NT5C2: variants seen among roughly 807,000 people sequenced by gnomAD.
NT5C2 encodes cytosolic purine 5'-nucleotidase.
Under a neutral mutation model 76.1 loss-of-function variants are expected in NT5C2, and 58 were observed. That is an observed-to-expected ratio of 0.76 (90% CI 0.62 to 0.95). The LOEUF (loss-of-function observed/expected upper bound fraction) is 0.95. Ranked by LOEUF, NT5C2 falls within the 40% of genes least tolerant of loss-of-function variation. NT5C2 has a pLI of 0.00. For missense variants in NT5C2, 478 were observed against 690.3 expected (o/e 0.69, Z 3.45); for synonymous variants, 229 against 237.4 (o/e 0.96, Z 0.32).
intron 3 of NT5C2, among the ~76,000 whole-genome samples, chr10:103,169,917 G>A (rs2087450413): frequency 6.6e-6 from 1 of 152,050 alleles, no homozygotes. Context: ...ACAAGGTCAG[G>A]AGTTCAAGAC....
At chr10:103,185,701 T>A (rs983072907) in intron 1 of NT5C2, among the ~76,000 whole-genome samples, 4 of 151,808 alleles carry the variant, frequency 2.6e-5, no homozygotes, top group African/African-American at 4.8e-5. Flanking sequence ...ACTGCTTTAT[T>A]TCAGGAAAGA....
chr10:103,110,271 T>C (rs1327947333), intron 4 of NT5C2, among the ~76,000 whole-genome samples: 7 of 152,042 alleles, frequency 4.6e-5, no homozygotes, highest in Non-Finnish European at 8.8e-5. Context: ...CCCTGGCCAA[T>C]ATGGCGAAAC....
At chr10:103,119,219 A>G (rs547609057) in intron 4 of NT5C2, among the ~76,000 whole-genome samples, 2 of 152,272 alleles carry the variant, frequency 1.3e-5, no homozygotes, top group South Asian at 2.1e-4. Flanking sequence ...AAAATACAAA[A>G]TTAGCCAGGC....
chr10:103,172,299 T>A (rs1341064471), intron 3 of NT5C2, among the ~76,000 whole-genome samples: 1 of 147,334 alleles, frequency 6.8e-6, no homozygotes, highest in South Asian at 2.1e-4. Flanking sequence ...CAGGCTGGAG[T>A]GTGCAGTGGT....
chr10:103,174,715 G>A (rs762810171), intron 3 of NT5C2, 143 bp downstream of exon 3: 12 of 613,718 alleles, frequency 2.0e-5, no homozygotes, highest in East Asian at 2.6e-5. Context: ...TAAAAGTCTC[G>A]ACTTAGAACT....
At chr10:103,181,367 A>C (rs2091049952) in intron 1 of NT5C2, 39 bp from the exon 2 acceptor site, 1 of 152,004 alleles carries the variant, frequency 6.6e-6, no homozygotes. Context: ...TCACAGGCAA[A>C]ACATGCACAG....
intron 4 of NT5C2, among the ~76,000 whole-genome samples, chr10:103,113,266 GT>G (rs2073499699): frequency 6.6e-6 from 1 of 151,720 alleles, no homozygotes; most frequent in Admixed American, 6.6e-5. Flanking sequence ...GTAATTAAGA[GT>G]TATTTGTTTA....
At chr10:103,154,801 T>C (rs1316091540) in intron 3 of NT5C2, among the ~76,000 whole-genome samples, 1 of 152,198 alleles carries the variant, frequency 6.6e-6, no homozygotes, top group Non-Finnish European at 1.5e-5. Context: ...TTCCATTGAC[T>C]ATCCTCAAAG....
At chr10:103,191,957 C>CTT (rs528278756) in intron 1 of NT5C2, among the ~76,000 whole-genome samples, 2 of 143,766 alleles carry the variant, frequency 1.4e-5, no homozygotes, top group African/African-American at 5.1e-5. Flanking sequence ...CTTTTTTGTT[C>CTT]TTTTTTTTTT....
chr10:103,188,079 G>A (rs762602989), intron 1 of NT5C2, among the ~76,000 whole-genome samples: 5 of 152,260 alleles, frequency 3.3e-5, no homozygotes, highest in African/African-American at 7.2e-5. Context: ...AAAATAGGGC[G>A]GACGCGGTGG....
chr10:103,118,699 T>C (rs978194869), intron 4 of NT5C2, among the ~76,000 whole-genome samples: 2 of 152,184 alleles, frequency 1.3e-5, no homozygotes, highest in African/African-American at 2.4e-5. Flanking sequence ...CTTTAGGGGT[T>C]GAGTCCTTAT....
intron 3 of NT5C2, among the ~76,000 whole-genome samples, chr10:103,156,062 A>G (rs2083304704): frequency 6.6e-6 from 1 of 152,114 alleles, no homozygotes; most frequent in South Asian, 2.1e-4. Flanking sequence ...GGTACTTGGG[A>G]GGCTGAGGTG....
chr10:103,103,794 G>A (rs752892647), intron 6 of NT5C2, among the ~76,000 whole-genome samples: 3 of 152,054 alleles, frequency 2.0e-5, no homozygotes, highest in African/African-American at 4.8e-5. Context: ...TAATAGCTTC[G>A]ATAACTTTCT....
intron 3 of NT5C2, among the ~76,000 whole-genome samples, chr10:103,166,928 T>C (rs578108983): frequency 2.4e-4 from 37 of 152,240 alleles, no homozygotes; most frequent in African/African-American, 8.4e-4. Context: ...GCTAGTATTA[T>C]AGGTGTAAGC....
intron 3 of NT5C2, 137 bp downstream of exon 3, chr10:103,174,721 G>A (rs34930336): frequency 1.6e-6 from 1 of 641,452 alleles, no homozygotes; most frequent in Non-Finnish European, 2.8e-6. Context: ...TCTCGACTTA[G>A]AACTAGATTT....
intron 4 of NT5C2, among the ~76,000 whole-genome samples, chr10:103,125,674 CA>C (rs1235121026): frequency 1.3e-5 from 2 of 152,100 alleles, no homozygotes; most frequent in African/African-American, 4.8e-5. Flanking sequence ...AACTAAGTAA[CA>C]ATACTAATGG....
chr10:103,099,865 A>T (rs1008670386), intron 9 of NT5C2, 61 bp downstream of exon 9: 7 of 1,060,254 alleles, frequency 6.6e-6, no homozygotes, highest in Non-Finnish European at 1.0e-5. Flanking sequence ...TTGGAAAGTT[A>T]ATGCCACGCC....
At chr10:103,088,019 T>C (rs1315397674), downstream of NT5C2, 1 of 152,244 alleles carries the variant, frequency 6.6e-6, no homozygotes, top group Non-Finnish European at 1.5e-5. Flanking sequence ...ACCATGAATA[T>C]AATCATGTTA....
Position 103,089,545 on chromosome 10 carries a change from C to G in NT5C2, c.*127G>C, listed in dbSNP as rs1307859942. ...TCTATGATAATAAAATCTTCAGAAACTTTTCAGACGTACCTTTCATGGAGC... is the reference window on the plus strand; with the variant it reads ...TCTATGATAATAAAATCTTCAGAAAGTTTTCAGACGTACCTTTCATGGAGC... On this transcript the variant is annotated 3_prime_UTR_variant, in exon 19 of 19. Transcript: ENST00000404739. 1.4e-6 allele frequency: 2 copies of G among 1,415,218 alleles called. No homozygotes were observed. Among genetic ancestry groups the G allele is most frequent in the Admixed American group, 3.2e-5 (1 of 31,424 alleles). The allele number at this position is 1,415,218 out of a possible 1,614,324, so 87.7% of individuals were successfully genotyped here.
Sources: allele counts gnomAD v4.1 joint callset (sites outside exome capture counted in the v4.1 genomes callset), GRCh38; gene constraint gnomAD v4.1.1; transcripts MANE v1.5; gene names NCBI Gene and HGNC (gene_info 2026-07-23, HGNC 2026-07-21).